NHSL1: variants seen among roughly 807,000 people sequenced by gnomAD.
NHSL1 encodes the protein NHS-like protein 1.
A neutral mutation model predicts 95.0 loss-of-function variants in NHSL1; 48 were observed. That is an observed-to-expected ratio of 0.51 (90% CI 0.40 to 0.64). The LOEUF (loss-of-function observed/expected upper bound fraction) is 0.64. Among genes scored for constraint, NHSL1 ranks in the 30% least tolerant of loss-of-function variants. The probability of loss-of-function intolerance (pLI) is 0.00; values close to 1 mark genes in which losing one functional copy is unlikely to be tolerated. For synonymous variants in NHSL1, 783 were observed against 833.9 expected, an observed-to-expected ratio of 0.94 and a Z score of 1.05; for missense variants, 1,971 against 2,077.7, an observed-to-expected ratio of 0.95 and a Z score of 1.00.
intron 3 of NHSL1, among the ~76,000 whole-genome samples, chr6:138,469,410 A>G (rs1778607624): frequency 6.6e-6 from 1 of 152,102 alleles, no homozygotes; most frequent in Non-Finnish European, 1.5e-5. Context: ...CAGCACTAAG[A>G]CTTGTTAACT....
intron 1 of NHSL1, among the ~76,000 whole-genome samples, chr6:138,626,128 T>C (rs1261156117): frequency 6.6e-6 from 1 of 152,236 alleles, no homozygotes; most frequent in Non-Finnish European, 1.5e-5. Flanking sequence ...TTGGTTTTAA[T>C]TGATCAAATG....
chr6:138,687,448 C>G (rs1785601019), intron 1 of NHSL1, among the ~76,000 whole-genome samples: 1 of 152,156 alleles, frequency 6.6e-6, no homozygotes. Flanking sequence ...GAATGCATCT[C>G]AACACCTAAA....
intron 1 of NHSL1, among the ~76,000 whole-genome samples, chr6:138,637,151 A>G (rs537535992): frequency 6.6e-6 from 1 of 152,244 alleles, no homozygotes; most frequent in South Asian, 2.1e-4. Flanking sequence ...TAGGGAAAGG[A>G]CAGTCTCTTC....
intron 1 of NHSL1, among the ~76,000 whole-genome samples, chr6:138,523,646 A>AAAAAAC (rs1781782444): frequency 6.7e-6 from 1 of 150,186 alleles, no homozygotes; most frequent in East Asian, 1.9e-4. Context: ...AAAAAAAAAA[A>AAAAAAC]AAAAAACAGA....
At chr6:138,598,627 G>GA (rs35482505) in intron 1 of NHSL1, among the ~76,000 whole-genome samples, 31,909 of 86,878 alleles carry the variant, frequency 0.37, 4,969 homozygotes, top group Middle Eastern at 0.48. Flanking sequence ...TCATCTGGAA[G>GA]AAAAAAAAAA....
rs77331005 is a variant in NHSL1 at position 138,450,104 on chromosome 6, T to G, written c.340-2911A>C. 8.6e-3 allele frequency among the ~76,000 whole-genome samples: 1,307 copies of G among 152,320 alleles called. 15 individuals carry two copies. Among genetic ancestry groups the G allele is most frequent in the African/African-American group, 0.029 (1,206 of 41,566 alleles). On this transcript the variant is annotated intron_variant, in intron 3 of 7. Coordinates refer to ENST00000343505, the MANE Select transcript of NHSL1 (RefSeq NM_001144060.2). ...TTTTGGGTCAGCAGCAGCTAAGCCA[T>G]ACTGATGTAAATCAATTATTTCCAG...
rs755870641 is a variant in NHSL1, at chr6:138,605,910, G to A, written c.96+86566C>T. 2.0e-5 allele frequency among the ~76,000 whole-genome samples: 3 copies of A among 152,166 alleles called. 1 individual carries two copies. The highest frequency in any genetic ancestry group is 4.4e-5 in the Non-Finnish European group (3 of 68,036). On this transcript the variant is annotated intron_variant, in intron 1 of 3. Transcript: ENST00000491526. The stretch of plus-strand genomic sequence containing the variant: ...TGAGTACGAGAGTCATAAATTTGGG[G>A]TTTATGTAATATCCTTTGATTTCTA...
At chr6:138,647,023 C>T (rs555993516) in intron 1 of NHSL1, among the ~76,000 whole-genome samples, 4 of 152,238 alleles carry the variant, frequency 2.6e-5, no homozygotes, top group South Asian at 2.1e-4. Context: ...TACAAACATC[C>T]GTGATGGAGA....
intron 1 of NHSL1, among the ~76,000 whole-genome samples, chr6:138,552,359 G>T (rs1479631792): frequency 6.6e-6 from 1 of 152,136 alleles, no homozygotes; most frequent in African/African-American, 2.4e-5. Flanking sequence ...GGTGGAGGTT[G>T]CAGTGAGCTG....
intron 1 of NHSL1, among the ~76,000 whole-genome samples, chr6:138,667,823 A>G (rs2114751069): frequency 6.6e-6 from 1 of 152,374 alleles, no homozygotes; most frequent in Admixed American, 6.5e-5. Context: ...GCTGATAATT[A>G]GAAAATATTC....
chr6:138,464,223 C>A (rs756440186), intron 3 of NHSL1: 2 of 798,384 alleles, frequency 2.5e-6, no homozygotes, highest in Non-Finnish European at 4.1e-6. Context: ...CTGCTGGCCG[C>A]CAGCTTGGCC....
At chr6:138,548,094 G>A (rs1782872415), upstream of NHSL1, among the ~76,000 whole-genome samples, 1 of 152,084 alleles carries the variant, frequency 6.6e-6, no homozygotes, top group Non-Finnish European at 1.5e-5. Flanking sequence ...GCAATTCGCT[G>A]CCTCAGCCTC....
intron 3 of NHSL1, among the ~76,000 whole-genome samples, chr6:138,472,688 T>A (rs1013126345): frequency 5.9e-5 from 9 of 152,236 alleles, no homozygotes; most frequent in African/African-American, 2.2e-4. Context: ...CTCTTTCATG[T>A]GTATTTAGTA....
At chr6:138,453,403 A>C (rs1432541608) in intron 3 of NHSL1, among the ~76,000 whole-genome samples, 1 of 151,956 alleles carries the variant, frequency 6.6e-6, no homozygotes, top group Non-Finnish European at 1.5e-5. Context: ...TGCCCAGGCT[A>C]GAGTGCAGCA....
upstream of NHSL1, among the ~76,000 whole-genome samples, chr6:138,577,095 T>C (rs903210860): frequency 3.9e-5 from 6 of 152,354 alleles, no homozygotes; most frequent in Middle Eastern, 3.4e-3. Flanking sequence ...AGACTGAATA[T>C]ATTTGGAAGG....
chr6:138,456,117 C>T (rs1220161702), intron 3 of NHSL1, among the ~76,000 whole-genome samples: 1 of 152,162 alleles, frequency 6.6e-6, no homozygotes, highest in Non-Finnish European at 1.5e-5. Flanking sequence ...GTAATTTTAT[C>T]GAAACCAGAA....
Position 138,521,331 on chromosome 6 carries a change from T to G in NHSL1, c.16+24292A>C, listed in dbSNP as rs555937705. On this transcript the variant is annotated intron_variant, in intron 1 of 4. Transcript: ENST00000342260. ...AAATAAAAAAATTCACTGGGACTGATTGTGCACACCTGTGGTCTCAGCTAC... is the reference window on the plus strand; with the variant it reads ...AAATAAAAAAATTCACTGGGACTGAGTGTGCACACCTGTGGTCTCAGCTAC... Among the ~76,000 whole-genome samples, 3 of 152,234 alleles carry G rather than the reference T, an allele frequency of 2.0e-5. No homozygotes were observed. In the East Asian group the frequency reaches 5.8e-4, roughly 29 times the overall value.
intron 1 of NHSL1, among the ~76,000 whole-genome samples, chr6:138,498,900 T>G (rs530063722): frequency 6.6e-6 from 1 of 152,148 alleles, no homozygotes; most frequent in Non-Finnish European, 1.5e-5. Context: ...GTACAAGAAT[T>G]TCCCCCCTCT....
chr6:138,488,727 T>C (rs1779864286), intron 2 of NHSL1, among the ~76,000 whole-genome samples: 1 of 152,172 alleles, frequency 6.6e-6, no homozygotes, highest in South Asian at 2.1e-4. Context: ...ACCAAATCCA[T>C]CTTTGGCCAT....
Sources: gnomAD v4.1 joint callset for allele counts (sites outside exome capture counted in the v4.1 genomes callset) on GRCh38, gnomAD v4.1.1 for gene constraint, MANE v1.5 for transcripts, NCBI Gene and HGNC (gene_info 2026-07-23, HGNC 2026-07-21) for gene names.